SEC14L2: variants seen among roughly 807,000 people sequenced by gnomAD.
SEC14L2 encodes SEC14-like protein 2.
A neutral mutation model predicts 56.9 loss-of-function variants in SEC14L2; 50 were observed. The ratio of observed to expected loss-of-function variants is 0.88; its 90% CI spans 0.70 to 1.11. The LOEUF (loss-of-function observed/expected upper bound fraction) is 1.11. SEC14L2 is among the 50% of genes most tolerant of loss of function. The pLI, the probability that SEC14L2 is intolerant of heterozygous loss-of-function variation, is 0.00. For missense variants in SEC14L2, 414 were observed against 500.7 expected (o/e 0.83, Z 1.65); for synonymous variants, 179 against 188.5 (o/e 0.95, Z 0.41).
chr22:30,402,753 G>C (rs77544965), intron 2 of SEC14L2, among the ~76,000 whole-genome samples: 2 of 122,916 alleles, frequency 1.6e-5, no homozygotes, highest in Non-Finnish European at 3.5e-5. Context: ...TTTTTTTTTT[G>C]TCCCTAAAAA....
intron 2 of SEC14L2, among the ~76,000 whole-genome samples, chr22:30,405,731 T>C (rs1434028550): frequency 6.6e-6 from 1 of 152,086 alleles, no homozygotes; most frequent in Non-Finnish European, 1.5e-5. Context: ...GGCTGGAGTA[T>C]AGTAGCGAGA....
At chr22:30,401,932 C>T (rs1933949492) in intron 2 of SEC14L2, among the ~76,000 whole-genome samples, 1 of 152,098 alleles carries the variant, frequency 6.6e-6, no homozygotes, top group Non-Finnish European at 1.5e-5. Context: ...TGCACATGCA[C>T]ACCCTAGGAG....
At chr22:30,407,679 G>C in intron 5 of SEC14L2, 76 bp downstream of exon 5, 1 of 1,375,866 alleles carries the variant, frequency 7.3e-7, no homozygotes, top group Non-Finnish European at 1.0e-6. Flanking sequence ...TGTCACACAG[G>C]AATATAAGCA....
chr22:30,404,807 T>C (rs1934046429), intron 2 of SEC14L2, among the ~76,000 whole-genome samples: 1 of 152,168 alleles, frequency 6.6e-6, no homozygotes, highest in Non-Finnish European at 1.5e-5. Flanking sequence ...CAATGTCTCA[T>C]GCCTGTAATC....
chr22:30,404,648 AG>A (rs1934042007), intron 2 of SEC14L2, among the ~76,000 whole-genome samples: 1 of 152,230 alleles, frequency 6.6e-6, no homozygotes, highest in South Asian at 2.1e-4. Context: ...GAAATTTGAT[AG>A]GGAAGGATCT....
intron 5 of SEC14L2, among the ~76,000 whole-genome samples, chr22:30,408,774 G>A (rs576779077): frequency 5.9e-5 from 9 of 152,308 alleles, no homozygotes; most frequent in African/African-American, 1.2e-4. Context: ...GAGACCCTGC[G>A]GAGCTGGGGA....
At chr22:30,398,854 G>A (rs941819343) in intron 1 of SEC14L2, 16 of 462,768 alleles carry the variant, frequency 3.5e-5, no homozygotes, top group Non-Finnish European at 6.8e-5. Flanking sequence ...CTAGCTGTTT[G>A]ACCTTGGGCA....
chr22:30,418,403 T>C (rs1407795460), intron 11 of SEC14L2, among the ~76,000 whole-genome samples: 1 of 152,162 alleles, frequency 6.6e-6, no homozygotes, highest in Non-Finnish European at 1.5e-5. Context: ...AGGGAAGTAA[T>C]TGACCCAAGG....
intron 8 of SEC14L2, among the ~76,000 whole-genome samples, chr22:30,412,245 CCT>C (rs1334210231): frequency 1.3e-5 from 2 of 152,108 alleles, no homozygotes; most frequent in Non-Finnish European, 2.9e-5. Context: ...TTTGCACGAG[CCT>C]CTGTCTCTAC....
chr22:30,400,662 G>A (rs1933901629), intron 2 of SEC14L2, among the ~76,000 whole-genome samples: 1 of 151,928 alleles, frequency 6.6e-6, no homozygotes. Context: ...TGGGAGGCTA[G>A]GCGGGCAGAT....
Position 30,424,685 on chromosome 22 carries a change from T to C in SEC14L2, c.*2278T>C. The C allele has an allele frequency of 2.2e-6, 1 of 456,342 alleles. No individual in the cohort carries two copies. 28.3% of individuals were successfully genotyped at this position (456,342 alleles called of 1,614,324 possible). On this transcript the variant is annotated 3_prime_UTR_variant, in exon 12 of 12. Coordinates refer to ENST00000615189, the MANE Select transcript of SEC14L2 (RefSeq NM_012429.5). ...TTTTTGCAGACGTGGGAACTGGGGC[T>C]CAGGGAGGCTAACAGCCAGTAGGCG...
intron 8 of SEC14L2, among the ~76,000 whole-genome samples, chr22:30,413,778 C>G (rs1451916250): frequency 6.6e-6 from 1 of 151,096 alleles, no homozygotes. Context: ...AGACTTAGCT[C>G]TGGCAGCAAC....
chr22:30,403,898 G>C (rs980747339), intron 2 of SEC14L2, among the ~76,000 whole-genome samples: 2 of 151,466 alleles, frequency 1.3e-5, no homozygotes, highest in Admixed American at 6.6e-5. Context: ...AGCTACTCGG[G>C]AGGCTGAGGC....
chr22:30,411,770 T>G (rs1187313992), intron 8 of SEC14L2, among the ~76,000 whole-genome samples: 1 of 65,102 alleles, frequency 1.5e-5, no homozygotes, highest in Non-Finnish European at 3.2e-5. Flanking sequence ...AAGGGGTCCC[T>G]TGAAGGTCTT....
Position 30,399,733 on chromosome 22 carries a change from G to A in SEC14L2, c.130+15G>A, listed in dbSNP as rs374857621. 2 of 1,609,132 alleles carry A rather than the reference G, an allele frequency of 1.2e-6. No individual in the cohort carries two copies. Among genetic ancestry groups the A allele is most frequent in the African/African-American group, 1.3e-5 (1 of 74,786 alleles). The stretch of plus-strand genomic sequence containing the variant: ...TTGGCTCCGAGGTGAGGGAAGAGGG[G>A]CTGCGGGAGGCTGGGGCAGGGGCTT... On this transcript the variant is annotated intron_variant, in intron 2 of 11. Transcript: ENST00000615189.
In SEC14L2 at chr22:30,399,642, G is replaced by A. The variant is rs760575965; in HGVS notation, c.55-1G>A. On this transcript the variant is annotated splice_acceptor_variant, in intron 1 of 11. Transcript: ENST00000615189. LOFTEE classifies it high-confidence loss of function. The stretch of plus-strand genomic sequence containing the variant: ...ACTCACCCCGATGCCTCTCCCTACA[G>A]TTTCGGGAGAATGTCCAGGATGTGC... The A allele has an allele frequency of 2.5e-6, 4 of 1,612,654 alleles. No homozygotes were observed. Among genetic ancestry groups the A allele is most frequent in the Non-Finnish European group, 3.4e-6 (4 of 1,179,084 alleles).
At chr22:30,415,618 T>A in intron 8 of SEC14L2, 141 bp from the exon 9 acceptor site, 1 of 690,068 alleles carries the variant, frequency 1.4e-6, no homozygotes, top group African/African-American at 1.8e-5. Context: ...TGTGTGCTCC[T>A]AATGCAGGAA....
intron 8 of SEC14L2, among the ~76,000 whole-genome samples, chr22:30,413,514 G>T (rs1363783402): frequency 6.6e-6 from 1 of 152,154 alleles, no homozygotes; most frequent in Non-Finnish European, 1.5e-5. Flanking sequence ...GAGCACAAGA[G>T]TTTGAGACCA....
chr22:30,399,562 A>G, intron 1 of SEC14L2, 81 bp from the exon 2 acceptor site: 1 of 895,392 alleles, frequency 1.1e-6, no homozygotes, highest in Non-Finnish European at 1.7e-6. Flanking sequence ...GGCGTCCAGC[A>G]AAGATCTCAG....
Sources: gnomAD v4.1 joint callset for allele counts (sites outside exome capture counted in the v4.1 genomes callset) on GRCh38, gnomAD v4.1.1 for gene constraint, MANE v1.5 for transcripts, NCBI Gene and HGNC (gene_info 2026-07-23, HGNC 2026-07-21) for gene names.